The following OLA1 variants were observed in gnomAD, a reference collection of about 807,000 sequenced individuals.
OLA1 encodes Obg like ATPase 1.
Under a neutral mutation model 48.4 loss-of-function variants are expected in OLA1, and 14 were observed. That is an observed-to-expected ratio of 0.29 (90% confidence interval 0.19 to 0.45). The LOEUF (loss-of-function observed/expected upper bound fraction) is 0.45. Ranked by LOEUF, OLA1 falls within the 20% of genes least tolerant of loss-of-function variation. OLA1 has a pLI of 1.00. For synonymous variants in OLA1, 127 were observed against 150.4 expected (o/e 0.84, Z 1.14); for missense variants, 325 against 467.1 (o/e 0.70, Z 2.80).
At chr2:174,094,883 A>G (rs1168784866) in intron 7 of OLA1, among the ~76,000 whole-genome samples, 6 of 152,196 alleles carry the variant, frequency 3.9e-5, no homozygotes, top group Non-Finnish European at 2.9e-5. Flanking sequence ...ACTGCACATA[A>G]GTGGAATCAT....
intron 4 of OLA1, 137 bp downstream of exon 4, chr2:174,222,896 A>T (rs1297701333): frequency 3.5e-6 from 3 of 867,894 alleles, no homozygotes; most frequent in Non-Finnish European, 5.2e-6. Flanking sequence ...AAAGTCACAG[A>T]TTTACAGACA....
At chr2:174,178,208 TA>T (rs1233957029) in intron 4 of OLA1, among the ~76,000 whole-genome samples, 2 of 152,040 alleles carry the variant, frequency 1.3e-5, no homozygotes, top group Admixed American at 6.6e-5. Context: ...GTATTTATTA[TA>T]GGTATTAGCC....
chr2:174,209,650 C>T (rs2105439617), intron 4 of OLA1, among the ~76,000 whole-genome samples: 1 of 152,186 alleles, frequency 6.6e-6, no homozygotes, highest in East Asian at 1.9e-4. Flanking sequence ...CTATTGGTAG[C>T]TGCATACAGT....
intron 4 of OLA1, among the ~76,000 whole-genome samples, chr2:174,157,557 C>T (rs1318023443): frequency 6.6e-6 from 1 of 152,148 alleles, no homozygotes; most frequent in Non-Finnish European, 1.5e-5. Flanking sequence ...AATACTGTCT[C>T]TGCTGGAATT....
At chr2:174,123,466 G>C in intron 6 of OLA1, 129 bp downstream of exon 6, 1 of 632,918 alleles carries the variant, frequency 1.6e-6, no homozygotes, top group Non-Finnish European at 2.7e-6. Context: ...ACAAGCCCAG[G>C]AATAAGCAAT....
At chr2:174,234,318 T>C (rs1574570474) in intron 2 of OLA1, among the ~76,000 whole-genome samples, 1 of 152,204 alleles carries the variant, frequency 6.6e-6, no homozygotes, top group Non-Finnish European at 1.5e-5. Flanking sequence ...CAACTGTTTA[T>C]GTTATTGGTA....
chr2:174,138,738 G>A (rs1018786338), intron 5 of OLA1, among the ~76,000 whole-genome samples: 2 of 152,112 alleles, frequency 1.3e-5, no homozygotes, highest in African/African-American at 2.4e-5. Context: ...TTCAATGTTC[G>A]TTAAAAACAA....
chr2:174,093,701 C>T (rs1685179763), intron 7 of OLA1, among the ~76,000 whole-genome samples: 1 of 152,168 alleles, frequency 6.6e-6, no homozygotes, highest in African/African-American at 2.4e-5. Flanking sequence ...TTATAGTTGT[C>T]ACGAGATATG....
intron 7 of OLA1, among the ~76,000 whole-genome samples, chr2:174,082,541 T>C (rs933652380): frequency 6.6e-6 from 1 of 152,152 alleles, no homozygotes; most frequent in Non-Finnish European, 1.5e-5. Flanking sequence ...CCTGGTTTAG[T>C]TCCTTCATGG....
chr2:174,172,179 G>A (rs535990708), intron 4 of OLA1: 2 of 218,534 alleles, frequency 9.2e-6, no homozygotes, highest in South Asian at 1.8e-4. Context: ...GGCGTTTGAT[G>A]TTGAAGGAGA....
chr2:174,151,757 T>G (rs953501361), intron 4 of OLA1, among the ~76,000 whole-genome samples: 1 of 152,222 alleles, frequency 6.6e-6, no homozygotes, highest in African/African-American at 2.4e-5. Context: ...TCATTTAATA[T>G]CTATAGTTTT....
chr2:174,088,339 A>C (rs1685030097), intron 7 of OLA1, among the ~76,000 whole-genome samples: 1 of 152,210 alleles, frequency 6.6e-6, no homozygotes, highest in East Asian at 1.9e-4. Context: ...GCATGACTTC[A>C]AGATATCAGA....
intron 7 of OLA1, among the ~76,000 whole-genome samples, chr2:174,100,859 T>C (rs1685378444): frequency 6.6e-6 from 1 of 152,208 alleles, no homozygotes; most frequent in Non-Finnish European, 1.5e-5. Context: ...AGTTGCTCTG[T>C]GTATTTTCTT....
At chr2:174,084,989 CAT>C (rs1318481628) in intron 7 of OLA1, among the ~76,000 whole-genome samples, 1 of 152,182 alleles carries the variant, frequency 6.6e-6, no homozygotes, top group Non-Finnish European at 1.5e-5. Context: ...TAAAGCCTTT[CAT>C]AGACTTCATT....
At chr2:174,144,950 AAATATATATATATATATATAT>A (rs1433639244) in intron 4 of OLA1, among the ~76,000 whole-genome samples, 50 of 63,482 alleles carry the variant, frequency 7.9e-4, no homozygotes, top group South Asian at 2.8e-3. Context: ...AAAAAAAAAA[AAATATATATATATATATATAT>A]ATATATATAT....
chr2:174,110,777 T>C (rs1385447591), intron 7 of OLA1, among the ~76,000 whole-genome samples: 1 of 152,148 alleles, frequency 6.6e-6, no homozygotes, highest in African/African-American at 2.4e-5. Flanking sequence ...ACGTAGGATG[T>C]ACCTATATTG....
intron 4 of OLA1, among the ~76,000 whole-genome samples, chr2:174,221,645 G>A (rs1047956386): frequency 2.0e-5 from 3 of 152,086 alleles, no homozygotes; most frequent in African/African-American, 7.2e-5. Context: ...ACACCTATCA[G>A]GATGCCCCAA....
chr2:174,122,165 G>A (rs909669927), intron 7 of OLA1, among the ~76,000 whole-genome samples: 2 of 152,160 alleles, frequency 1.3e-5, no homozygotes, highest in Admixed American at 6.5e-5. Context: ...CCAATAAAGA[G>A]GCTAAATTCA....
At chr2:174,120,456 A>C (rs1481800626) in intron 7 of OLA1, among the ~76,000 whole-genome samples, 1 of 152,210 alleles carries the variant, frequency 6.6e-6, no homozygotes, top group Admixed American at 6.5e-5. Flanking sequence ...AATTTGTAAT[A>C]ATAAAAAATG....
Sources: allele counts gnomAD v4.1 joint callset (sites outside exome capture counted in the v4.1 genomes callset), GRCh38; gene constraint gnomAD v4.1.1; transcripts MANE v1.5; gene names NCBI Gene and HGNC (gene_info 2026-07-23, HGNC 2026-07-21).